The following RALYL variants were observed in gnomAD, a reference collection of about 807,000 sequenced individuals.
The protein encoded by RALYL is RALY RNA binding protein like.
Under a neutral mutation model 35.1 loss-of-function variants are expected in RALYL, and 29 were observed. That is an observed-to-expected ratio of 0.83 (90% CI 0.61 to 1.13). The LOEUF is 1.13. Among genes scored for constraint, RALYL ranks in the 50% most tolerant of loss-of-function variants. The pLI, the probability that RALYL is intolerant of heterozygous loss-of-function variation, is 0.00. For missense variants in RALYL, 359 were observed against 360.4 expected, an observed-to-expected ratio of 1.00 and a Z score of 0.03; for synonymous variants, 120 against 127.6, an observed-to-expected ratio of 0.94 and a Z score of 0.40.
intron 1 of RALYL, among the ~76,000 whole-genome samples, chr8:84,469,190 C>G (rs1040761028): frequency 1.3e-4 from 20 of 152,188 alleles, no homozygotes; most frequent in Non-Finnish European, 2.9e-4. Flanking sequence ...TGGTGAGGAA[C>G]TGTGTTCCTT....
intron 1 of RALYL, among the ~76,000 whole-genome samples, chr8:84,466,799 G>T (rs1369443187): frequency 6.6e-6 from 1 of 151,564 alleles, no homozygotes; most frequent in Non-Finnish European, 1.5e-5. Context: ...GTAAGCTATT[G>T]ATTATTGCCA....
intron 1 of RALYL, among the ~76,000 whole-genome samples, chr8:84,190,855 A>T (rs1330227115): frequency 6.7e-6 from 1 of 148,350 alleles, no homozygotes; most frequent in Non-Finnish European, 1.5e-5. Flanking sequence ...CACAGGTAGA[A>T]ATTTGGGAAC....
Position 84,486,190 on chromosome 8 carries a change from A to G in RALYL, c.-23-43109A>G, listed in dbSNP as rs184612819. Among the ~76,000 whole-genome samples the G allele has an allele frequency of 2.8e-3, 429 of 151,238 alleles. 3 individuals are homozygous for G. The highest frequency in any genetic ancestry group is 9.8e-3 in the African/African-American group (404 of 41,384). ...TCTCTCACCTATACAACAAGAATAT[A>G]ATTAATAATAATAATGAAATAAGTA... On this transcript the variant is annotated intron_variant, in intron 1 of 8. Coordinates refer to ENST00000521268, the MANE Select transcript of RALYL (RefSeq NM_173848.7).
At position 84,894,251 on chromosome 8, in the gene RALYL, C is replaced by T. The variant is rs79322444; in HGVS notation, c.858+6475C>T. Among the ~76,000 whole-genome samples, 469 of 152,284 alleles carry T rather than the reference C, an allele frequency of 3.1e-3. 3 individuals carry two copies. The highest frequency in any genetic ancestry group is 0.01 in the African/African-American group (426 of 41,562). On this transcript the variant is annotated intron_variant, in intron 8 of 8. Transcript: ENST00000521268. The stretch of plus-strand genomic sequence containing the variant: ...CCTGGATGATCCCCCTTATCAACTG[C>T]GCTTCTCTTTCTTTTTCTTATCATT...
chr8:84,863,984 G>A (rs75144159), intron 6 of RALYL, among the ~76,000 whole-genome samples: 6,693 of 152,188 alleles, frequency 0.044, 471 homozygotes, highest in African/African-American at 0.15. Context: ...GTCTCCAAGT[G>A]TTGAAAATTT....
chr8:84,563,596 G>T (rs917272595), intron 2 of RALYL, among the ~76,000 whole-genome samples: 1 of 151,360 alleles, frequency 6.6e-6, no homozygotes, highest in Non-Finnish European at 1.5e-5. Context: ...ACCAGCGGTC[G>T]ATATAGCACA....
intron 1 of RALYL, among the ~76,000 whole-genome samples, chr8:84,211,111 C>A (rs1287535355): frequency 2.0e-5 from 3 of 152,078 alleles, no homozygotes; most frequent in Non-Finnish European, 2.9e-5. Flanking sequence ...TCAGTGTGAT[C>A]CCCATTTTAC....
chr8:84,764,587 A>G (rs1813466351), intron 2 of RALYL, among the ~76,000 whole-genome samples: 1 of 152,198 alleles, frequency 6.6e-6, no homozygotes, highest in Non-Finnish European at 1.5e-5. Context: ...CCTTGCAGAC[A>G]CAGCCTGGGA....
At chr8:84,672,252 G>A (rs1473288541) in intron 2 of RALYL, among the ~76,000 whole-genome samples, 1 of 152,090 alleles carries the variant, frequency 6.6e-6, no homozygotes, top group Non-Finnish European at 1.5e-5. Context: ...CTCCATCAGA[G>A]ACCACCTCAG....
intron 1 of RALYL, among the ~76,000 whole-genome samples, chr8:84,423,999 A>C (rs539836262): frequency 9.2e-5 from 14 of 151,394 alleles, no homozygotes; most frequent in African/African-American, 2.7e-4. Flanking sequence ...CCTTCATTTC[A>C]ACTTTGGTGA....
At chr8:84,848,524 A>G (rs572532176) in intron 4 of RALYL, among the ~76,000 whole-genome samples, 63 of 152,020 alleles carry the variant, frequency 4.1e-4, no homozygotes, top group Non-Finnish European at 7.8e-4. Flanking sequence ...TACTACATGG[A>G]TAAACTTTGA....
chr8:84,845,881 C>G (rs1207746404), intron 4 of RALYL, among the ~76,000 whole-genome samples: 2 of 151,980 alleles, frequency 1.3e-5, no homozygotes, highest in East Asian at 3.9e-4. Flanking sequence ...TATGATGGCA[C>G]TATTGACTAG....
chr8:84,394,389 AGCAGCAAATATTATTAAACACTTT>A (rs770675136), intron 1 of RALYL, among the ~76,000 whole-genome samples: 101 of 152,106 alleles, frequency 6.6e-4, no homozygotes, highest in Non-Finnish European at 1.1e-3. Flanking sequence ...TGATCTAAGG[AGCAGCAAATATTATTAAACACTTT>A]GCGTACTTCC....
At chr8:84,734,618 T>G (rs552677608) in intron 2 of RALYL, among the ~76,000 whole-genome samples, 2 of 152,240 alleles carry the variant, frequency 1.3e-5, no homozygotes, top group South Asian at 4.1e-4. Context: ...GATATTCTGT[T>G]CTTGACAGTC....
chr8:84,202,369 T>A lies in RALYL; in HGVS notation c.-24+17945T>A, dbSNP rs1015585954. Among the ~76,000 whole-genome samples the A allele has an allele frequency of 7.4e-3, 623 of 84,522 alleles. 5 individuals carry two copies. The highest frequency in any genetic ancestry group is 0.048 in the African/African-American group (606 of 12,636). The allele number at this position is 84,522 out of a possible 152,430, so 55.4% of individuals were successfully genotyped here. A position where few individuals can be genotyped will look rare whatever the true frequency, so the allele number is the denominator to read the frequency against. ...GTATTATATGATCTATTGAAGGGAT[T>A]TTTTTTTTTTTTTTTTTTTTTTGAG... is the stretch of plus-strand genomic sequence containing the variant. On this transcript the variant is annotated intron_variant, in intron 1 of 8. Coordinates refer to ENST00000521268, the MANE Select transcript of RALYL (RefSeq NM_173848.7).
intron 4 of RALYL, among the ~76,000 whole-genome samples, chr8:84,813,685 A>T (rs763335906): frequency 6.6e-6 from 1 of 152,212 alleles, no homozygotes; most frequent in Non-Finnish European, 1.5e-5. Flanking sequence ...GTATTTGTTA[A>T]TATGCACTGG....
chr8:84,246,570 C>T (rs974505222), intron 1 of RALYL, among the ~76,000 whole-genome samples: 6 of 152,068 alleles, frequency 3.9e-5, no homozygotes, highest in Admixed American at 6.6e-5. Flanking sequence ...AAGACCTTCT[C>T]ACAATAAGAA....
chr8:84,383,742 G>GA (rs1858521453), intron 1 of RALYL, among the ~76,000 whole-genome samples: 1 of 136,376 alleles, frequency 7.3e-6, no homozygotes, highest in Non-Finnish European at 1.6e-5. Flanking sequence ...GTGAAAGGAA[G>GA]AAAAAAGAGG....
intron 1 of RALYL, among the ~76,000 whole-genome samples, chr8:84,333,397 A>T (rs1847190904): frequency 6.6e-6 from 1 of 152,194 alleles, no homozygotes; most frequent in South Asian, 2.1e-4. Flanking sequence ...CAATTAAAAT[A>T]TAGTCTATCC....
Sources: allele counts gnomAD v4.1 joint callset (sites outside exome capture counted in the v4.1 genomes callset), GRCh38; gene constraint gnomAD v4.1.1; transcripts MANE v1.5; gene names NCBI Gene and HGNC (gene_info 2026-07-23, HGNC 2026-07-21).